IGFBPL1: variants seen among roughly 807,000 people sequenced by gnomAD.
IGFBPL1 encodes the protein insulin like growth factor binding protein like 1.
Under a neutral mutation model 23.9 loss-of-function variants are expected in IGFBPL1, and 20 were observed. The observed-to-expected ratio is 0.84, with a 90% CI of 0.59 to 1.22. The LOEUF (loss-of-function observed/expected upper bound fraction) is 1.22. IGFBPL1 is among the 50% of genes most tolerant of loss of function. The probability of loss-of-function intolerance (pLI) is 0.00; values close to 1 mark genes in which losing one functional copy is unlikely to be tolerated. For missense variants in IGFBPL1, 436 were observed against 379.3 expected (o/e 1.15, Z -1.24); for synonymous variants, 184 against 171.8 (o/e 1.07, Z -0.56).
intron 3 of IGFBPL1, among the ~76,000 whole-genome samples, chr9:38,412,379 T>A (rs2118301984): frequency 6.6e-6 from 1 of 152,170 alleles, no homozygotes; most frequent in African/African-American, 2.4e-5. Flanking sequence ...TCAACAACAG[T>A]GGAAATGGAG....
At chr9:38,419,275 AC>A (rs1821641193) in intron 1 of IGFBPL1, among the ~76,000 whole-genome samples, 1 of 152,188 alleles carries the variant, frequency 6.6e-6, no homozygotes, top group African/African-American at 2.4e-5. Context: ...AACACACTGA[AC>A]AGCCCTGATA....
Position 38,420,200 on chromosome 9 carries a change from G to A in IGFBPL1, c.460+3765C>T, listed in dbSNP as rs114298991. On this transcript the variant is annotated intron_variant, in intron 1 of 4. Transcript: ENST00000377694. ...TTCGGCCTTGCACCCAAGGCTTGCA[G>A]TGGCCTACCCCAAACTACTCTGGGG... Among the ~76,000 whole-genome samples, 743 of 152,254 alleles carry A rather than the reference G, an allele frequency of 4.9e-3. 5 individuals are homozygous for A. The highest frequency in any genetic ancestry group is 0.017 in the African/African-American group (713 of 41,542).
intron 2 of IGFBPL1, 48 bp from the exon 3 acceptor site, chr9:38,413,401 G>T: frequency 1.6e-6 from 2 of 1,223,042 alleles, no homozygotes; most frequent in Non-Finnish European, 2.4e-6. Context: ...AAGCAATTCT[G>T]GATAAAGACC....
At chr9:38,416,881 A>T (rs2118314281) in intron 1 of IGFBPL1, among the ~76,000 whole-genome samples, 1 of 151,696 alleles carries the variant, frequency 6.6e-6, no homozygotes, top group African/African-American at 2.4e-5. Context: ...GGGTCTTGCT[A>T]TGTTGCTCAG....
chr9:38,411,543 G>C lies in IGFBPL1; in HGVS notation c.694C>G (p.Pro232Ala). The change falls in exon 4 of 5, where the codon CCC becomes GCC. Residue 232 changes from proline to alanine, a missense_variant. By Grantham distance (27) the Pro-to-Ala change is conservative (BLOSUM62 -1). Transcript: ENST00000377694. ...HEATAWILIN[P>A]LRKEDEGVYQ... ...ACACCCTCATCCTCCTTTCGCAGGG[G>C]GTTGATCTAGAAATACAACAGGCAA... The C allele has an allele frequency of 1.2e-6, 2 of 1,613,552 alleles. No homozygotes were observed. The highest frequency in any genetic ancestry group is 1.7e-6 in the Non-Finnish European group (2 of 1,179,782).
chr9:38,416,175 G>C (rs758538236), intron 1 of IGFBPL1, among the ~76,000 whole-genome samples: 1 of 152,218 alleles, frequency 6.6e-6, no homozygotes, highest in African/African-American at 2.4e-5. Flanking sequence ...CCAGTGGCTC[G>C]CTGTGGTGAC....
In IGFBPL1 at chr9:38,406,852, G is replaced by T. The variant is rs548387419; in HGVS notation, c.*2375C>A. ...CAGCCCCATACAGTCCTGATGCTCAGTACTTCCAGCATGGGCTCTGTCCAC... is the reference window on the plus strand; with the variant it reads ...CAGCCCCATACAGTCCTGATGCTCATTACTTCCAGCATGGGCTCTGTCCAC... On this transcript the variant is annotated 3_prime_UTR_variant, in exon 5 of 5. Transcript: ENST00000377694. Among the ~76,000 whole-genome samples, 21 of 152,338 alleles carry T rather than the reference G, an allele frequency of 1.4e-4. No homozygotes were observed. Among genetic ancestry groups the T allele is most frequent in the Non-Finnish European group, 2.2e-4 (15 of 68,030 alleles).
rs774844996 is a variant in IGFBPL1 at position 38,413,376 on chromosome 9, G to A, written c.571-23C>T. 2.7e-6 allele frequency: 4 copies of A among 1,505,932 alleles called. No homozygotes were observed. The African/African-American group carries it at 5.5e-5, about 21-fold the overall frequency. The allele number at this position is 1,505,932 out of a possible 1,614,324, so 93.3% of individuals were successfully genotyped here. A position where few individuals can be genotyped will look rare whatever the true frequency, so the allele number is the denominator to read the frequency against. On this transcript the variant is annotated intron_variant, in intron 2 of 4. Transcript: ENST00000377694. ...GACCTACAGGGGACAGGAATGCCAG[G>A]AGGGGGCTTAGAAAAAGCAATTCTG...
Position 38,407,718 on chromosome 9 carries a change from G to C in IGFBPL1, c.*1509C>G, listed in dbSNP as rs1208779317. 2.0e-5 allele frequency among the ~76,000 whole-genome samples: 3 copies of C among 152,198 alleles called. No homozygotes were observed. Among genetic ancestry groups the C allele is most frequent in the African/African-American group, 7.2e-5 (3 of 41,462 alleles). ...CCTGAGCTCTGCTCCTCTTTCAGAG[G>C]CCTTCAGGCCTTGGGCAAGTAGCTT... On this transcript the variant is annotated 3_prime_UTR_variant, in exon 5 of 5. Transcript: ENST00000377694.
rs540669165 is a variant in IGFBPL1, at chr9:38,407,283, C to T, written c.*1944G>A. 2.2e-4 allele frequency among the ~76,000 whole-genome samples: 34 copies of T among 152,278 alleles called. No individual in the cohort carries two copies. The highest frequency in any genetic ancestry group is 7.7e-4 in the African/African-American group (32 of 41,570). ...TTCCAGTGTTTTAAAGTTTGAAAACCACTCATCTAGTTTTATTCCCTTTTT... is the reference window on the plus strand; with the variant it reads ...TTCCAGTGTTTTAAAGTTTGAAAACTACTCATCTAGTTTTATTCCCTTTTT... On this transcript the variant is annotated 3_prime_UTR_variant, in exon 5 of 5. Transcript: ENST00000377694.
rs569891397 is a variant in IGFBPL1 at position 38,406,927 on chromosome 9, T to G, written c.*2300A>C. Reference sequence around the variant, plus strand: ...CCCTTCAGTTTTCACTAGGCAAATCTGAGGTGAGTCAACTGAGTTTGCAAA... The same window carrying G: ...CCCTTCAGTTTTCACTAGGCAAATCGGAGGTGAGTCAACTGAGTTTGCAAA... On this transcript the variant is annotated 3_prime_UTR_variant, in exon 5 of 5. Transcript: ENST00000377694. Among the ~76,000 whole-genome samples the G allele has an allele frequency of 1.3e-5, 2 of 152,336 alleles. No individual in the cohort carries two copies. Among genetic ancestry groups the G allele is most frequent in the East Asian group, 3.9e-4 (2 of 5,186 alleles).
At chr9:38,413,415 C>A in intron 2 of IGFBPL1, 62 bp from the exon 3 acceptor site, 1 of 1,063,464 alleles carries the variant, frequency 9.4e-7, no homozygotes, top group Admixed American at 1.8e-5. Context: ...AAAGACCATC[C>A]CATAGGCTTC....
Position 38,408,374 on chromosome 9 carries a change from G to C in IGFBPL1, c.*853C>G, listed in dbSNP as rs988101489. Among the ~76,000 whole-genome samples, 1 of 151,890 alleles carries C rather than the reference G, an allele frequency of 6.6e-6. No individual in the cohort carries two copies. The highest frequency in any genetic ancestry group is 2.4e-5 in the African/African-American group (1 of 41,336). ...GCCCAGAAAGTGGAGGTTGCAGTGA[G>C]CCATGATCACGCCACTGCACTCCAG... On this transcript the variant is annotated 3_prime_UTR_variant, in exon 5 of 5. Transcript: ENST00000377694.
chr9:38,414,192 C>A lies in IGFBPL1; in HGVS notation c.472G>T (p.Val158Phe), dbSNP rs755877048. 2 of 1,601,242 alleles carry A rather than the reference C, an allele frequency of 1.2e-6. No homozygotes were observed. Among genetic ancestry groups the A allele is most frequent in the African/African-American group, 1.3e-5 (1 of 74,514 alleles). ...TTGTGAACACTTCGGGGAGGAACGACGACCACAGGAGCTAGGAGGAGGAGA... is the reference window on the plus strand; with the variant it reads ...TTGTGAACACTTCGGGGAGGAACGAAGACCACAGGAGCTAGGAGGAGGAGA... ...DGPCEFAPVV[V>F]VPPRSVHNVT... The change falls in exon 2 of 5, where the codon GTC becomes TTC. Residue 158 changes from valine to phenylalanine, a missense_variant. Physicochemically the swap from Val to Phe is conservative, Grantham distance 50. Coordinates refer to ENST00000377694, the MANE Select transcript of IGFBPL1 (RefSeq NM_001007563.3).
chr9:38,415,399 A>G (rs1179273081), intron 1 of IGFBPL1, among the ~76,000 whole-genome samples: 1 of 152,182 alleles, frequency 6.6e-6, no homozygotes, highest in African/African-American at 2.4e-5. Flanking sequence ...GAGCAAAGGG[A>G]GGAGACAGAA....
At chr9:38,417,243 G>A (rs896545106) in intron 1 of IGFBPL1, among the ~76,000 whole-genome samples, 2 of 152,158 alleles carry the variant, frequency 1.3e-5, no homozygotes, top group South Asian at 2.1e-4. Flanking sequence ...TGAGCCCAGT[G>A]ATGTGGCTCC....
At position 38,414,064 on chromosome 9, in the gene IGFBPL1, C is replaced by CACAG. The variant is rs1554661419; in HGVS notation, c.570+29_570+30insCTGT. 6 of 1,249,300 alleles carry CACAG rather than the reference C, an allele frequency of 4.8e-6. No individual in the cohort carries two copies. The South Asian group carries it at 7.2e-5, about 15-fold the overall frequency. 77.4% of individuals were successfully genotyped at this position (1,249,300 alleles called of 1,614,324 possible). A position where few individuals can be genotyped will look rare whatever the true frequency, so the allele number is the denominator to read the frequency against. On this transcript the variant is annotated intron_variant, in intron 2 of 4. Coordinates refer to ENST00000377694, the MANE Select transcript of IGFBPL1 (RefSeq NM_001007563.3). ...ACACACACACACACACACACACACA[C>CACAG]GAGATGCATGAGTTCTTGGACAGAA...
intron 1 of IGFBPL1, among the ~76,000 whole-genome samples, chr9:38,417,549 G>T (rs1176354571): frequency 6.6e-6 from 1 of 152,114 alleles, no homozygotes; most frequent in African/African-American, 2.4e-5. Flanking sequence ...GGATTGTGTT[G>T]GGGGATCCCC....
rs980836929 is a variant in IGFBPL1 at position 38,423,989 on chromosome 9, C to T, written c.436G>A (p.Ala146Thr). The T allele has an allele frequency of 2.1e-6, 3 of 1,408,814 alleles. No homozygotes were observed. The highest frequency in any genetic ancestry group is 3.5e-5 in the Admixed American group (1 of 28,838). 87.3% of individuals were successfully genotyped at this position (1,408,814 alleles called of 1,614,324 possible). A position where few individuals can be genotyped will look rare whatever the true frequency, so the allele number is the denominator to read the frequency against. The part of the protein sequence containing the change: ...PRAHPGHLHK[A>T]RDGPCEFAPV... ...CCGAACTCGCAAGGGCCGTCGCGCG[C>T]CTTGTGCAGGTGACCGGGGTGCGCG... The change falls in exon 1 of 5, where the codon GCG becomes ACG. Residue 146 changes from alanine (A) to threonine (T), a missense_variant. By Grantham distance (58) the Ala-to-Thr change is moderately conservative (BLOSUM62 0). Transcript: ENST00000377694.
Sources: gnomAD v4.1 joint callset for allele counts (sites outside exome capture counted in the v4.1 genomes callset) on GRCh38, gnomAD v4.1.1 for gene constraint, MANE v1.5 for transcripts, NCBI Gene and HGNC (gene_info 2026-07-23, HGNC 2026-07-21) for gene names.